Variants in ASB5 observed in about 807,000 individuals in gnomAD.
The protein encoded by ASB5 is ankyrin repeat and SOCS box containing 5, also known as ankyrin repeat and SOCS box protein 5.
Under a neutral mutation model 42.1 loss-of-function variants are expected in ASB5, and 45 were observed. The ratio of observed to expected loss-of-function variants is 1.07; its 90% confidence interval spans 0.84 to 1.37. ASB5 has a LOEUF of 1.37. Among genes scored for constraint, ASB5 ranks in the 40% most tolerant of loss-of-function variants. The probability of loss-of-function intolerance (pLI) is 0.00; values close to 1 mark genes in which losing one functional copy is unlikely to be tolerated. For synonymous variants in ASB5, 147 were observed against 150.6 expected (o/e 0.98, Z 0.18); for missense variants, 402 against 399.8 (o/e 1.01, Z -0.05).
At chr4:176,228,598 C>T (rs1199573128) in intron 1 of ASB5, among the ~76,000 whole-genome samples, 1 of 152,080 alleles carries the variant, frequency 6.6e-6, no homozygotes, top group African/African-American at 2.4e-5. Context: ...TCATTTGCAA[C>T]AAGTTACTGT....
At position 176,230,514 on chromosome 4, in the gene ASB5, T is replaced by C. The variant is rs1452890717; in HGVS notation, c.197-5173A>G. 3.3e-5 allele frequency among the ~76,000 whole-genome samples: 5 copies of C among 152,198 alleles called. No individual in the cohort carries two copies. In the East Asian group the frequency reaches 9.6e-4, roughly 29 times the overall value. On this transcript the variant is annotated intron_variant, in intron 1 of 6. Coordinates refer to ENST00000296525, the MANE Select transcript of ASB5 (RefSeq NM_080874.4). ...ATCTTTTTATTTGTTTTGAACTCTG[T>C]ATTTATGTCCCTGTTATTTATTTTC...
chr4:176,240,111 C>T (rs1266633728), intron 1 of ASB5, among the ~76,000 whole-genome samples: 1 of 151,914 alleles, frequency 6.6e-6, no homozygotes, highest in African/African-American at 2.4e-5. Context: ...TGTGAAATCT[C>T]GAGATATCTA....
At chr4:176,269,472 G>C (rs1754428730), upstream of ASB5, among the ~76,000 whole-genome samples, 2 of 151,978 alleles carry the variant, frequency 1.3e-5, no homozygotes, top group East Asian at 3.9e-4. Context: ...AGTGTATGGG[G>C]TTCCCATTGT....
In ASB5 at chr4:176,219,595, T is replaced by TTTGTATG. The variant is rs1168277185; in HGVS notation, c.670+1559_670+1560insCATACAA. Among the ~76,000 whole-genome samples, 32 of 106,900 alleles carry TTTGTATG rather than the reference T, an allele frequency of 3.0e-4. 3 individuals carry two copies. The highest frequency in any genetic ancestry group is 4.5e-4 in the Non-Finnish European group (25 of 56,048). The allele number at this position is 106,900 out of a possible 152,430, so 70.1% of individuals were successfully genotyped here. ...TGTATGATATATATATATATATATA[T>TTTGTATG]ATATATATATATATATATATATAGG... On this transcript the variant is annotated intron_variant, in intron 5 of 6. Transcript: ENST00000296525.
upstream of ASB5, among the ~76,000 whole-genome samples, chr4:176,271,977 C>G (rs1372298110): frequency 6.6e-6 from 1 of 151,896 alleles, no homozygotes; most frequent in Non-Finnish European, 1.5e-5. Context: ...ACATACTGCC[C>G]CCACCCACGA....
chr4:176,240,296 C>T (rs1407888131), intron 1 of ASB5, among the ~76,000 whole-genome samples: 1 of 152,098 alleles, frequency 6.6e-6, no homozygotes, highest in African/African-American at 2.4e-5. Context: ...AACGTTACTA[C>T]CGACAGGGAC....
intron 1 of ASB5, among the ~76,000 whole-genome samples, chr4:176,244,031 A>G (rs4589981): frequency 0.91 from 138,654 of 152,230 alleles, 63,339 homozygotes; most frequent in Non-Finnish European, 0.93. Flanking sequence ...CTATTTAATC[A>G]CCGATGTATT....
At chr4:176,261,483 C>T (rs947982162) in intron 1 of ASB5, among the ~76,000 whole-genome samples, 5 of 152,164 alleles carry the variant, frequency 3.3e-5, no homozygotes, top group African/African-American at 7.2e-5. Flanking sequence ...ACTCAACTTA[C>T]GTTTCTTCAT....
intron 1 of ASB5, among the ~76,000 whole-genome samples, chr4:176,249,261 C>T (rs1045041859): frequency 6.6e-6 from 1 of 152,256 alleles, no homozygotes; most frequent in Non-Finnish European, 1.5e-5. Context: ...GCCACCGCAT[C>T]TGCCCTATAC....
chr4:176,228,226 C>G (rs930795283), intron 1 of ASB5, among the ~76,000 whole-genome samples: 1 of 152,134 alleles, frequency 6.6e-6, no homozygotes, highest in African/African-American at 2.4e-5. Context: ...TTAATCATCT[C>G]TTACTATTTT....
At chr4:176,225,209 T>C in intron 2 of ASB5, 53 bp downstream of exon 2, 2 of 1,441,484 alleles carry the variant, frequency 1.4e-6, no homozygotes, top group African/African-American at 1.4e-5. Flanking sequence ...GTTTTGACCA[T>C]GTTCTGTGCA....
chr4:176,249,926 G>A lies in ASB5; in HGVS notation c.196+18987C>T, dbSNP rs1271513751. Among the ~76,000 whole-genome samples, 6 of 151,534 alleles carry A rather than the reference G, an allele frequency of 4.0e-5. 1 individual carries two copies. The highest frequency in any genetic ancestry group is 4.2e-4 in the South Asian group (2 of 4,802). ...TAAAAACACAAAAAATTAGCCGGGC[G>A]TGGTGACGGGCGCCTGTAGTCCCAG... On this transcript the variant is annotated intron_variant, in intron 1 of 6. Transcript: ENST00000296525.
At chr4:176,249,980 A>G (rs762980141) in intron 1 of ASB5, among the ~76,000 whole-genome samples, 148 of 151,460 alleles carry the variant, frequency 9.8e-4, no homozygotes, top group Non-Finnish European at 1.8e-3. Context: ...CAGGAGAATG[A>G]CATTAACCCG....
intron 1 of ASB5, among the ~76,000 whole-genome samples, chr4:176,232,445 C>T (rs34397790): frequency 0.18 from 26,796 of 151,954 alleles, 2,739 homozygotes; most frequent in Middle Eastern, 0.31. Context: ...AACCAACAAT[C>T]GTCTTCACAA....
intron 1 of ASB5, among the ~76,000 whole-genome samples, chr4:176,250,544 A>G (rs1754012678): frequency 6.6e-6 from 1 of 152,314 alleles, no homozygotes; most frequent in East Asian, 1.9e-4. Flanking sequence ...ATGGCTTTAG[A>G]AAAGATTCAA....
intron 1 of ASB5, among the ~76,000 whole-genome samples, chr4:176,263,918 A>G (rs1387804921): frequency 6.6e-6 from 1 of 152,200 alleles, no homozygotes; most frequent in Non-Finnish European, 1.5e-5. Flanking sequence ...TATTACATCA[A>G]ATTCTTACTG....
At chr4:176,216,341 A>G (rs944168730) in intron 6 of ASB5, among the ~76,000 whole-genome samples, 1 of 152,140 alleles carries the variant, frequency 6.6e-6, no homozygotes. Context: ...GAAAGAGAAA[A>G]TTAAAATTAT....
At chr4:176,259,380 A>T (rs536073894) in intron 1 of ASB5, among the ~76,000 whole-genome samples, 2 of 152,318 alleles carry the variant, frequency 1.3e-5, no homozygotes, top group African/African-American at 2.4e-5. Flanking sequence ...CGGAAACACC[A>T]TTTCTCTAGT....
chr4:176,254,386 C>T (rs1288386747), intron 1 of ASB5, among the ~76,000 whole-genome samples: 1 of 152,154 alleles, frequency 6.6e-6, no homozygotes, highest in Non-Finnish European at 1.5e-5. Context: ...GGACCCCTTC[C>T]TTACACCACA....
Sources: gnomAD v4.1 joint callset for allele counts (sites outside exome capture counted in the v4.1 genomes callset) on GRCh38, gnomAD v4.1.1 for gene constraint, MANE v1.5 for transcripts, NCBI Gene and HGNC (gene_info 2026-07-23, HGNC 2026-07-21) for gene names.